LYN: variants seen among roughly 807,000 people sequenced by gnomAD.
The protein encoded by LYN is tyrosine-protein kinase Lyn.
A neutral mutation model predicts 65.0 loss-of-function variants in LYN; 12 were observed. The ratio of observed to expected loss-of-function variants is 0.18; its 90% CI spans 0.12 to 0.30. The LOEUF (loss-of-function observed/expected upper bound fraction) is 0.30. Among genes scored for constraint, LYN ranks in the 10% least tolerant of loss-of-function variants. The probability of loss-of-function intolerance (pLI) is 1.00; values close to 1 mark genes in which losing one functional copy is unlikely to be tolerated. For missense variants in LYN, 380 were observed against 623.2 expected (o/e 0.61, Z 4.16); for synonymous variants, 222 against 221.2 (o/e 1.00, Z -0.03).
chr8:55,994,129 A>G (rs1160289360), intron 10 of LYN, among the ~76,000 whole-genome samples: 2 of 152,190 alleles, frequency 1.3e-5, no homozygotes, highest in Non-Finnish European at 2.9e-5. Flanking sequence ...CTTCAACAAC[A>G]ACAAATTAAG....
At chr8:55,987,834 C>T (rs916504092) in intron 10 of LYN, among the ~76,000 whole-genome samples, 7 of 152,172 alleles carry the variant, frequency 4.6e-5, no homozygotes, top group African/African-American at 1.4e-4. Flanking sequence ...GAAATTGTAA[C>T]CTCTCCAAGA....
At chr8:55,884,987 T>C (rs934249460) in intron 1 of LYN, among the ~76,000 whole-genome samples, 3 of 152,230 alleles carry the variant, frequency 2.0e-5, no homozygotes, top group Non-Finnish European at 4.4e-5. Flanking sequence ...GGTATAGAAC[T>C]CTTCCATGGC....
At chr8:55,920,851 C>T (rs1190229128) in intron 1 of LYN, among the ~76,000 whole-genome samples, 1 of 150,774 alleles carries the variant, frequency 6.6e-6, no homozygotes, top group Non-Finnish European at 1.5e-5. Flanking sequence ...CATGTGCTAC[C>T]ACGCCTGGCT....
intron 10 of LYN, among the ~76,000 whole-genome samples, chr8:55,997,714 A>C (rs1808410719): frequency 1.3e-5 from 2 of 152,218 alleles, no homozygotes; most frequent in Non-Finnish European, 2.9e-5. Context: ...TGATTTGAGA[A>C]ACTGGCATAA....
In LYN at chr8:56,013,816, T is replaced by C. The variant is rs1808879007; in HGVS notation, c.*3706T>C. On this transcript the variant is annotated 3_prime_UTR_variant, in exon 13 of 13. Coordinates refer to ENST00000519728, the MANE Select transcript of LYN (RefSeq NM_002350.4). ...AGATCAAACCGCCCAGCTTTCCTCT[T>C]AGCATCTTCCTTTATTTTCCACTTC... The C allele has an allele frequency of 6.6e-6, 1 of 152,254 alleles. No individual in the cohort carries two copies. The highest frequency in any genetic ancestry group is 1.5e-5 in the Non-Finnish European group (1 of 68,050). The allele number at this position is 152,254 out of a possible 1,614,324, so 9.4% of individuals were successfully genotyped here.
chr8:55,888,450 C>T (rs1296184699), intron 1 of LYN, among the ~76,000 whole-genome samples: 1 of 152,076 alleles, frequency 6.6e-6, no homozygotes, highest in Non-Finnish European at 1.5e-5. Context: ...TTTTGTCCAT[C>T]ACAGGCAACT....
rs1398777450 is a variant in LYN, at chr8:55,981,943, C to T, written c.1050+12150C>T. 2.6e-5 allele frequency among the ~76,000 whole-genome samples: 4 copies of T among 152,182 alleles called. No individual in the cohort carries two copies. The East Asian group carries it at 7.7e-4, about 29-fold the overall frequency. On this transcript the variant is annotated intron_variant, in intron 10 of 12. Transcript: ENST00000519728. ...TTGACATTGAAGCCAACGGCAGATG[C>T]ATTCTGCTTAATTTGGAGGGAAAAA...
At chr8:55,977,460 G>T (rs1807788944) in intron 10 of LYN, among the ~76,000 whole-genome samples, 1 of 152,162 alleles carries the variant, frequency 6.6e-6, no homozygotes, top group East Asian at 1.9e-4. Flanking sequence ...ATAGAAATTG[G>T]TCTGTTTTGA....
intron 8 of LYN, among the ~76,000 whole-genome samples, chr8:55,959,555 A>C (rs1419018948): frequency 2.0e-5 from 3 of 152,208 alleles, no homozygotes; most frequent in African/African-American, 4.8e-5. Flanking sequence ...GAGGAAAGAA[A>C]TTGCCCAGGG....
At chr8:56,006,633 T>A (rs574304234) in intron 12 of LYN, among the ~76,000 whole-genome samples, 1 of 152,322 alleles carries the variant, frequency 6.6e-6, no homozygotes, top group African/African-American at 2.4e-5. Flanking sequence ...CTGTGTGCCA[T>A]TTGAGGATGA....
At chr8:55,886,876 A>G (rs1804812554) in intron 1 of LYN, among the ~76,000 whole-genome samples, 1 of 152,242 alleles carries the variant, frequency 6.6e-6, no homozygotes, top group Non-Finnish European at 1.5e-5. Context: ...TAAATGCTGA[A>G]TCTTTTGAAT....
chr8:55,908,075 A>G (rs1056500856), intron 1 of LYN, among the ~76,000 whole-genome samples: 2 of 152,114 alleles, frequency 1.3e-5, no homozygotes, highest in African/African-American at 4.8e-5. Context: ...GGGAAGGATT[A>G]GCATATGCTG....
intron 1 of LYN, among the ~76,000 whole-genome samples, chr8:55,885,013 A>G (rs1183083100): frequency 6.6e-6 from 1 of 152,094 alleles, no homozygotes; most frequent in Non-Finnish European, 1.5e-5. Context: ...TCTTTCACTG[A>G]GCTTTATTAA....
intron 1 of LYN, among the ~76,000 whole-genome samples, chr8:55,920,087 T>C (rs1585598778): frequency 1.3e-5 from 2 of 152,230 alleles, no homozygotes; most frequent in Non-Finnish European, 2.9e-5. Flanking sequence ...AGAACTGTTT[T>C]TTCTGCCAAA....
chr8:55,885,227 T>A (rs1466779944), intron 1 of LYN, among the ~76,000 whole-genome samples: 1 of 152,258 alleles, frequency 6.6e-6, no homozygotes, highest in Non-Finnish European at 1.5e-5. Context: ...GGGATACATT[T>A]AAATAATCCA....
At chr8:55,901,713 C>A (rs79946269) in intron 1 of LYN, among the ~76,000 whole-genome samples, 293 of 152,374 alleles carry the variant, frequency 1.9e-3, no homozygotes, top group African/African-American at 6.5e-3. Flanking sequence ...TACAGCAGCA[C>A]TGCTCTATCC....
At chr8:55,950,256 A>T (rs1806902642) in intron 4 of LYN, among the ~76,000 whole-genome samples, 1 of 152,172 alleles carries the variant, frequency 6.6e-6, no homozygotes, top group South Asian at 2.1e-4. Flanking sequence ...TGTGGACATT[A>T]TGGTTTCATC....
chr8:56,010,208 T>C lies in LYN; in HGVS notation c.*98T>C. 8.2e-7 allele frequency: 1 copy of C among 1,221,018 alleles called. No individual in the cohort carries two copies. Among genetic ancestry groups the C allele is most frequent in the Non-Finnish European group, 1.2e-6 (1 of 845,954 alleles). 75.6% of individuals were successfully genotyped at this position (1,221,018 alleles called of 1,614,324 possible). A position where few individuals can be genotyped will look rare whatever the true frequency, so the allele number is the denominator to read the frequency against. On this transcript the variant is annotated 3_prime_UTR_variant, in exon 13 of 13. Coordinates refer to ENST00000519728, the MANE Select transcript of LYN (RefSeq NM_002350.4). ...GCACTTATGATTTCATGTGCGGGGA[T>C]CATCTGCCGTGCCTGGATCCTGAAA... is the stretch of plus-strand genomic sequence containing the variant.
Position 56,010,228 on chromosome 8 carries a change from C to A in LYN, c.*118C>A. 1 of 1,013,782 alleles carries A rather than the reference C, an allele frequency of 9.9e-7. No homozygotes were observed. Among genetic ancestry groups the A allele is most frequent in the Non-Finnish European group, 1.5e-6 (1 of 676,364 alleles). The allele number at this position is 1,013,782 out of a possible 1,614,324, so 62.8% of individuals were successfully genotyped here. On this transcript the variant is annotated 3_prime_UTR_variant, in exon 13 of 13. Transcript: ENST00000519728. The stretch of plus-strand genomic sequence containing the variant: ...GGGGATCATCTGCCGTGCCTGGATC[C>A]TGAAATAGAGGCTAAATTACTCAGG...
Sources: gnomAD v4.1 joint callset for allele counts (sites outside exome capture counted in the v4.1 genomes callset) on GRCh38, gnomAD v4.1.1 for gene constraint, MANE v1.5 for transcripts, NCBI Gene and HGNC (gene_info 2026-07-23, HGNC 2026-07-21) for gene names.